GNA11: variants seen among roughly 807,000 people sequenced by gnomAD.
GNA11 encodes guanine nucleotide-binding protein subunit alpha-11.
GNA11 carries 8 observed loss-of-function variants against 38.2 expected under a neutral mutation model. The observed-to-expected ratio is 0.21, with a 90% CI of 0.12 to 0.38. The LOEUF (loss-of-function observed/expected upper bound fraction) is 0.38. GNA11 is among the 10% of genes least tolerant of loss of function. The pLI is 1.00. For synonymous variants in GNA11, 211 were observed against 221.4 expected, an observed-to-expected ratio of 0.95 and a Z score of 0.42; for missense variants, 268 against 516.3, an observed-to-expected ratio of 0.52 and a Z score of 4.66.
At chr19:3,097,643 A>T (rs1278143227) in intron 1 of GNA11, among the ~76,000 whole-genome samples, 4 of 152,186 alleles carry the variant, frequency 2.6e-5, no homozygotes. Flanking sequence ...CCTGGCGAGG[A>T]CATTCCGTGC....
chr19:3,099,117 TG>T, intron 1 of GNA11, among the ~76,000 whole-genome samples: 1 of 152,170 alleles, frequency 6.6e-6, no homozygotes, highest in East Asian at 1.9e-4. Context: ...TGTCTCTGTC[TG>T]GGACCTGGAC....
Position 3,120,096 on chromosome 19 carries a change from T to C in GNA11, c.889+737T>C, listed in dbSNP as rs1226939084. 6.6e-6 allele frequency among the ~76,000 whole-genome samples: 1 copy of C among 151,948 alleles called. No individual in the cohort carries two copies. The highest frequency in any genetic ancestry group is 1.5e-5 in the Non-Finnish European group (1 of 67,936). On this transcript the variant is annotated intron_variant, in intron 6 of 6. Coordinates refer to ENST00000078429, the MANE Select transcript of GNA11 (RefSeq NM_002067.5). The surrounding 1 kb of genome is among the most constrained non-coding windows in gnomAD (Gnocchi z 5.9). ...GCCCTGGGCAGCTCTGGCGCCCTCA[T>C]TTCCACCCCGGATCTGTGCTCCTCC...
intron 4 of GNA11, 165 bp from the exon 5 acceptor site, chr19:3,118,759 C>T: frequency 1.6e-6 from 1 of 643,658 alleles, no homozygotes; most frequent in Admixed American, 2.8e-5. Flanking sequence ...GGCGGTGCGG[C>T]CGCTCTCTGA....
At position 3,121,736 on chromosome 19, in the gene GNA11, C is replaced by T. The variant is rs1341858763; in HGVS notation, c.*557C>T. The T allele has an allele frequency of 4.3e-6, 1 of 233,138 alleles. No homozygotes were observed. The highest frequency in any genetic ancestry group is 8.5e-6 in the Non-Finnish European group (1 of 117,946). The allele number at this position is 233,138 out of a possible 1,614,324, so 14.4% of individuals were successfully genotyped here. A position where few individuals can be genotyped will look rare whatever the true frequency, so the allele number is the denominator to read the frequency against. On this transcript the variant is annotated 3_prime_UTR_variant, in exon 7 of 7. Coordinates refer to ENST00000078429, the MANE Select transcript of GNA11 (RefSeq NM_002067.5). The stretch of plus-strand genomic sequence containing the variant: ...TTTTTTAAGTTATTGACGCCCAGCG[C>T]GCCTCGCCTCTTCACCCATCAACGC...
Position 3,113,325 on chromosome 19 carries a change from C to T in GNA11, c.322-5C>T, listed in dbSNP as rs773020890. 73 of 1,608,396 alleles carry T rather than the reference C, an allele frequency of 4.5e-5. No individual in the cohort carries two copies. The highest frequency in any genetic ancestry group is 1.7e-4 in the Middle Eastern group (1 of 6,054). Reference sequence around the variant, plus strand: ...TCTCGACGTCTCCCCTGCCCGCCCTCGCAGGCCAATGCGCTCCTGATCCGG... The same window carrying T: ...TCTCGACGTCTCCCCTGCCCGCCCTTGCAGGCCAATGCGCTCCTGATCCGG... On this transcript the variant is annotated splice_region_variant and splice_polypyrimidine_tract_variant and intron_variant, in intron 2 of 6. Transcript: ENST00000078429.
intron 4 of GNA11, among the ~76,000 whole-genome samples, chr19:3,116,236 T>C (rs1913917956): frequency 6.6e-6 from 1 of 152,124 alleles, no homozygotes; most frequent in East Asian, 1.9e-4. Context: ...TGCCTGCCTG[T>C]CTCCTGGCCC....
In GNA11 at chr19:3,115,255, A is replaced by AT. The variant is rs1913881484; in HGVS notation, c.605+185dup. 1.4e-5 allele frequency: 8 copies of AT among 590,436 alleles called. 1 individual carries two copies. In the South Asian group the frequency reaches 1.5e-4, roughly 11 times the overall value. The allele number at this position is 590,436 out of a possible 1,614,324, so 36.6% of individuals were successfully genotyped here. ...CTCATATCTAAAAAAAATTTTAAAA[A>AT]TTAGCTGGGCGTGGTTGTGTGCACC... On this transcript the variant is annotated intron_variant, in intron 4 of 6. Transcript: ENST00000078429.
chr19:3,113,080 C>G (rs919073008), intron 2 of GNA11, among the ~76,000 whole-genome samples: 2 of 152,266 alleles, frequency 1.3e-5, no homozygotes, highest in Non-Finnish European at 2.9e-5. Flanking sequence ...GAAGCCCGGC[C>G]TCCCCGGCAC....
At chr19:3,118,751 C>T (rs554718385) in intron 4 of GNA11, 173 bp from the exon 5 acceptor site, 65 of 617,766 alleles carry the variant, frequency 1.1e-4, no homozygotes, top group Middle Eastern at 4.4e-4. Flanking sequence ...CCCCTGGAGG[C>T]GGTGCGGCCG....
chr19:3,114,906 C>A, intron 3 of GNA11, 38 bp from the exon 4 acceptor site: 1 of 1,570,396 alleles, frequency 6.4e-7, no homozygotes, highest in Non-Finnish European at 8.7e-7. Flanking sequence ...CCCCCCCACC[C>A]CCGGCAGCCG....
chr19:3,096,612 G>GT (rs1157224941), intron 1 of GNA11, among the ~76,000 whole-genome samples: 1 of 152,204 alleles, frequency 6.6e-6, no homozygotes, highest in East Asian at 1.9e-4. Context: ...CTTGGAGCAA[G>GT]TCTGGAAGTG....
At position 3,113,334 on chromosome 19, in the gene GNA11, A is replaced by G. The variant is rs751665166; in HGVS notation, c.326A>G (p.Asn109Ser). The G allele has an allele frequency of 8.7e-6, 14 of 1,613,060 alleles. 1 individual carries two copies. Among genetic ancestry groups the G allele is most frequent in the Middle Eastern group, 3.3e-4 (2 of 6,074 alleles). Residue 109 changes from asparagine (N) to serine (S), a missense_variant, in exon 3 of 7, where the codon AAT becomes AGT. Physicochemically the swap from Asn to Ser is conservative, Grantham distance 46 (BLOSUM62 1). Around this residue, in one of 3 missense-constraint regions of GNA11, gnomAD observed 151 missense variants for 254.0 expected, o/e 0.59. Transcript: ENST00000078429. ...ILYKYEQNKA[N>S]ALLIREVDVE... ...CTCCCCTGCCCGCCCTCGCAGGCCA[A>G]TGCGCTCCTGATCCGGGAGGTGGAC...
rs1184141370 is a variant in GNA11 at position 3,094,773 on chromosome 19, AGCT to A, written c.132_134del (p.Leu45del). The A allele has an allele frequency of 1.3e-6, 2 of 1,584,480 alleles. No individual in the cohort carries two copies. The highest frequency in any genetic ancestry group is 1.7e-6 in the Non-Finnish European group (2 of 1,167,672). On this transcript the variant is annotated inframe_deletion, in exon 1 of 7. Transcript: ENST00000078429. The surrounding 1 kb of genome is among the most constrained non-coding windows in gnomAD (Gnocchi z 6.0). ...AAGCGCGACGCCCGGCGCGAGCTCAAGCTGCTGCTGCTCGGTGAGTGCGGCCCC... is the reference window on the plus strand; with the variant it reads ...AAGCGCGACGCCCGGCGCGAGCTCAAGCTGCTGCTCGGTGAGTGCGGCCCC...
rs943739794 is a variant in GNA11, at chr19:3,110,586, C to T, written c.321+253C>T. On this transcript the variant is annotated intron_variant, in intron 2 of 6. Coordinates refer to ENST00000078429, the MANE Select transcript of GNA11 (RefSeq NM_002067.5). The surrounding 1 kb of genome is among the most constrained non-coding windows in gnomAD (Gnocchi z 5.4). ...TCCCTCCCAAGTAGCTGTGGGCGCC[C>T]ACATCCTGTGGGTGGGGAAGCTGAG... Among the ~76,000 whole-genome samples, 8 of 152,154 alleles carry T rather than the reference C, an allele frequency of 5.3e-5. No homozygotes were observed. The highest frequency in any genetic ancestry group is 1.9e-4 in the East Asian group (1 of 5,164).
In GNA11 at chr19:3,121,085, C is replaced by T. The variant is rs1298964952; in HGVS notation, c.986C>T (p.Thr329Met). The T allele has an allele frequency of 1.9e-6, 3 of 1,612,648 alleles. No homozygotes were observed. Among genetic ancestry groups the T allele is most frequent in the Non-Finnish European group, 1.7e-6 (2 of 1,178,862 alleles). ...GACAAGATCATCTACTCACACTTCA[C>T]GTGTGCCACCGACACGGAGAACATC... ...DSDKIIYSHF[T>M]CATDTENIRF... Residue 329 changes from threonine (T) to methionine (M), a missense_variant, in exon 7 of 7, where the codon ACG (threonine) becomes ATG (methionine). By Grantham distance (81) the Thr-to-Met change is moderately conservative (BLOSUM62 -1). This residue lies in a region of GNA11 where 92 missense variants were observed against 166.7 expected (regional missense o/e 0.55). Transcript: ENST00000078429.
Position 3,110,065 on chromosome 19 carries a change from C to A in GNA11, c.137-84C>A. The A allele has an allele frequency of 8.8e-7, 1 of 1,135,246 alleles. No individual in the cohort carries two copies. The highest frequency in any genetic ancestry group is 1.4e-5 in the South Asian group (1 of 69,484). 70.3% of individuals were successfully genotyped at this position (1,135,246 alleles called of 1,614,324 possible). Reference sequence around the variant, plus strand: ...TGGTTTCCTGTGCTGGGTGCTGCAGCACGGCAGGGTCTGGGTAAGAGGGGG... The same window carrying A: ...TGGTTTCCTGTGCTGGGTGCTGCAGAACGGCAGGGTCTGGGTAAGAGGGGG... On this transcript the variant is annotated intron_variant, in intron 1 of 6. Coordinates refer to ENST00000078429, the MANE Select transcript of GNA11 (RefSeq NM_002067.5). This position sits in a 1 kb window ranked among gnomAD's most constrained non-coding sequence, Gnocchi z 5.4.
chr19:3,096,267 T>G (rs1016822755), intron 1 of GNA11, among the ~76,000 whole-genome samples: 5 of 106,898 alleles, frequency 4.7e-5, no homozygotes, highest in Non-Finnish European at 9.8e-5. Flanking sequence ...GGTTCTAAAA[T>G]GGGCCATCTT....
At position 3,122,958 on chromosome 19, in the gene GNA11, T is replaced by G. The variant is rs1261613540; in HGVS notation, c.*1779T>G. The G allele has an allele frequency of 4.3e-6, 1 of 232,494 alleles. No individual in the cohort carries two copies. The highest frequency in any genetic ancestry group is 6.1e-5 in the East Asian group (1 of 16,300). 14.4% of individuals were successfully genotyped at this position (232,494 alleles called of 1,614,324 possible). ...GCTGGCGGGATACCCCCCCCCCGGCTTCCCCACACCACTTCTGTCTCACCC... is the reference window on the plus strand; with the variant it reads ...GCTGGCGGGATACCCCCCCCCCGGCGTCCCCACACCACTTCTGTCTCACCC... On this transcript the variant is annotated 3_prime_UTR_variant, in exon 7 of 7. Coordinates refer to ENST00000078429, the MANE Select transcript of GNA11 (RefSeq NM_002067.5). This position sits in a 1 kb window ranked among gnomAD's most constrained non-coding sequence, Gnocchi z 7.7.
chr19:3,109,024 C>A (rs577921071), intron 1 of GNA11, among the ~76,000 whole-genome samples: 1 of 152,316 alleles, frequency 6.6e-6, no homozygotes, highest in South Asian at 2.1e-4. Flanking sequence ...TGTGAACTGG[C>A]CTTGGAGATG....
Sources: allele counts gnomAD v4.1 joint callset (sites outside exome capture counted in the v4.1 genomes callset), GRCh38; gene constraint gnomAD v4.1.1; regional missense constraint gnomAD v4.1.1; non-coding constraint Gnocchi (gnomAD v3.1); transcripts MANE v1.5; gene names NCBI Gene and HGNC (gene_info 2026-07-23, HGNC 2026-07-21).